NR3C2: variants seen among roughly 807,000 people sequenced by gnomAD.
The protein encoded by NR3C2 is nuclear receptor subfamily 3 group C member 2, also known as mineralocorticoid receptor.
A neutral mutation model predicts 86.4 loss-of-function variants in NR3C2; 15 were observed. The ratio of observed to expected loss-of-function variants is 0.17; its 90% CI spans 0.12 to 0.27. The LOEUF (loss-of-function observed/expected upper bound fraction) is 0.27, where lower values mean the gene tolerates loss of function less well. Ranked by LOEUF, NR3C2 falls within the 10% of genes least tolerant of loss-of-function variation. The pLI is 1.00. For synonymous variants in NR3C2, 458 were observed against 450.5 expected (o/e 1.02, Z -0.21); for missense variants, 960 against 1,195.6 (o/e 0.80, Z 2.91).
intron 2 of NR3C2, among the ~76,000 whole-genome samples, chr4:148,358,626 A>C (rs977169062): frequency 4.0e-3 from 20 of 5,022 alleles, no homozygotes; most frequent in African/African-American, 4.7e-3. Context: ...TATAATAACA[A>C]ATAAAAAATA....
chr4:148,434,728 A>C (rs938248044), intron 2 of NR3C2, among the ~76,000 whole-genome samples: 3 of 152,210 alleles, frequency 2.0e-5, no homozygotes, highest in African/African-American at 4.8e-5. Flanking sequence ...AAACTAACTT[A>C]AAGCAATTTT....
Position 148,318,120 on chromosome 4 carries a change from G to A in NR3C2, c.1758-58003C>T, listed in dbSNP as rs1173912538. On this transcript the variant is annotated intron_variant, in intron 2 of 8. Transcript: ENST00000358102. Reference sequence around the variant, plus strand: ...AATTCCCACCTATGAGTGAGAATATGCGGTGTTTGGTTTTTTGTTCTTGCC... The same window carrying A: ...AATTCCCACCTATGAGTGAGAATATACGGTGTTTGGTTTTTTGTTCTTGCC... Among the ~76,000 whole-genome samples, 19 of 149,522 alleles carry A rather than the reference G, an allele frequency of 1.3e-4. No individual in the cohort carries two copies. In the East Asian group the frequency reaches 3.4e-3, roughly 26 times the overall value.
rs533172478 is a variant in NR3C2, at chr4:148,179,811, A to G, written c.2014+14935T>C. ...TTCCTCCATGAAATTCTGCAGTGTA[A>G]AAACACCAGTTGTTTAATTCAACAG... On this transcript the variant is annotated intron_variant, in intron 4 of 8. Coordinates refer to ENST00000358102, the MANE Select transcript of NR3C2 (RefSeq NM_000901.5). Among the ~76,000 whole-genome samples the G allele has an allele frequency of 3.2e-4, 48 of 151,964 alleles. 1 individual carries two copies. The South Asian group carries it at 9.7e-3, about 31-fold the overall frequency.
At chr4:148,316,872 G>T (rs1743213401) in intron 2 of NR3C2, among the ~76,000 whole-genome samples, 1 of 152,106 alleles carries the variant, frequency 6.6e-6, no homozygotes, top group Non-Finnish European at 1.5e-5. Flanking sequence ...TGTGATCATG[G>T]CTCACTGCAG....
chr4:148,380,108 C>T (rs534059807), intron 2 of NR3C2, among the ~76,000 whole-genome samples: 1 of 152,216 alleles, frequency 6.6e-6, no homozygotes, highest in South Asian at 2.1e-4. Context: ...CCATAATATT[C>T]ATGACTTTAA....
At chr4:148,312,288 T>C (rs963830227) in intron 2 of NR3C2, among the ~76,000 whole-genome samples, 3 of 95,434 alleles carry the variant, frequency 3.1e-5, no homozygotes, top group Non-Finnish European at 2.1e-5. Flanking sequence ...CATTTAAATT[T>C]ATGTTTTTTA....
chr4:148,367,343 CTA>C (rs1350372441), intron 2 of NR3C2, among the ~76,000 whole-genome samples: 9 of 152,128 alleles, frequency 5.9e-5, no homozygotes, highest in Admixed American at 5.9e-4. Flanking sequence ...CTCTATCGGT[CTA>C]TGTCATATTA....
In NR3C2 at chr4:148,081,122, G is replaced by A; in HGVS notation, c.*222C>T. 1.7e-6 allele frequency: 1 copy of A among 586,988 alleles called. No homozygotes were observed. Among genetic ancestry groups the A allele is most frequent in the Non-Finnish European group, 3.1e-6 (1 of 323,600 alleles). The allele number at this position is 586,988 out of a possible 1,614,324, so 36.4% of individuals were successfully genotyped here. ...GAACAGGAACATGTTTCTAAGCGCT[G>A]GGGGATTGGAGGTGGGGAATCCTTC... On this transcript the variant is annotated 3_prime_UTR_variant, in exon 9 of 9. Transcript: ENST00000358102.
chr4:148,259,181 T>C (rs1026909838), intron 3 of NR3C2, among the ~76,000 whole-genome samples: 3 of 152,202 alleles, frequency 2.0e-5, no homozygotes, highest in African/African-American at 4.8e-5. Context: ...GGAGTCTTCA[T>C]GTGGAGCCCC....
At chr4:148,319,117 C>T (rs1445074151) in intron 2 of NR3C2, among the ~76,000 whole-genome samples, 1 of 151,494 alleles carries the variant, frequency 6.6e-6, no homozygotes, top group African/African-American at 2.4e-5. Context: ...TTCCCAGCAC[C>T]ATTTATTAAA....
At chr4:148,325,119 A>AG (rs1487487942) in intron 2 of NR3C2, among the ~76,000 whole-genome samples, 7 of 142,898 alleles carry the variant, frequency 4.9e-5, no homozygotes, top group African/African-American at 2.0e-4. Flanking sequence ...ACAGAGAGAG[A>AG]GAGAGGGAGA....
At position 148,259,938 on chromosome 4, in the gene NR3C2, G is replaced by C. The variant is rs757602550; in HGVS notation, c.1897+40C>G. The C allele has an allele frequency of 6.8e-6, 11 of 1,613,330 alleles. No homozygotes were observed. In the South Asian group the frequency reaches 1.1e-4, roughly 16 times the overall value. On this transcript the variant is annotated intron_variant, in intron 3 of 8. Coordinates refer to ENST00000358102, the MANE Select transcript of NR3C2 (RefSeq NM_000901.5). Reference sequence around the variant, plus strand: ...AGCTGTACAAGTAAACTACACACTAGGAAAAAATATGTAAAAGGAACACCC... The same window carrying C: ...AGCTGTACAAGTAAACTACACACTACGAAAAAATATGTAAAAGGAACACCC...
At chr4:148,209,954 C>T (rs1737201953) in intron 3 of NR3C2, among the ~76,000 whole-genome samples, 3 of 152,186 alleles carry the variant, frequency 2.0e-5, no homozygotes, top group South Asian at 4.1e-4. Context: ...TTGCAGCCTG[C>T]CCTTGCTACA....
intron 2 of NR3C2, among the ~76,000 whole-genome samples, chr4:148,427,179 T>C (rs1749584686): frequency 6.6e-6 from 1 of 152,064 alleles, no homozygotes; most frequent in Non-Finnish European, 1.5e-5. Context: ...GGTCTCAAAC[T>C]CCTGGCCTCA....
At chr4:148,439,860 T>C (rs532557464) in intron 1 of NR3C2, among the ~76,000 whole-genome samples, 52 of 152,256 alleles carry the variant, frequency 3.4e-4, no homozygotes, top group Non-Finnish European at 6.2e-4. Context: ...ATACTGGAGA[T>C]GATGGGTACC....
chr4:148,395,206 TATTA>T (rs1747798918), intron 2 of NR3C2, among the ~76,000 whole-genome samples: 1 of 152,282 alleles, frequency 6.6e-6, no homozygotes, highest in Non-Finnish European at 1.5e-5. Context: ...TCAAAATAAA[TATTA>T]ATTAGTATGT....
chr4:148,301,687 C>T (rs970689199), intron 2 of NR3C2, among the ~76,000 whole-genome samples: 1 of 152,108 alleles, frequency 6.6e-6, no homozygotes, highest in Admixed American at 6.5e-5. Context: ...AAATAAATAA[C>T]TTATGGTAAT....
chr4:148,406,898 G>A (rs1213485219), intron 2 of NR3C2, among the ~76,000 whole-genome samples: 1 of 152,196 alleles, frequency 6.6e-6, no homozygotes, highest in East Asian at 1.9e-4. Flanking sequence ...TAGTTTCAGT[G>A]AGATGTGAAT....
intron 2 of NR3C2, among the ~76,000 whole-genome samples, chr4:148,378,589 A>G (rs1746795457): frequency 6.6e-6 from 1 of 151,990 alleles, no homozygotes; most frequent in African/African-American, 2.4e-5. Flanking sequence ...TGGTTGTTTA[A>G]AAGTGTGTGG....
Sources: gnomAD v4.1 joint callset for allele counts (sites outside exome capture counted in the v4.1 genomes callset) on GRCh38, gnomAD v4.1.1 for gene constraint, MANE v1.5 for transcripts, NCBI Gene and HGNC (gene_info 2026-07-23, HGNC 2026-07-21) for gene names.